The following AGAP1 variants were observed in gnomAD, a reference collection of about 807,000 sequenced individuals.
AGAP1 encodes the protein ArfGAP with GTPase domain, ankyrin repeat and PH domain 1.
AGAP1 carries 29 observed loss-of-function variants against 105.3 expected under a neutral mutation model. The observed-to-expected ratio is 0.28, with a 90% CI of 0.21 to 0.38. AGAP1 has a LOEUF of 0.38. AGAP1 is among the 10% of genes least tolerant of loss of function. The probability of loss-of-function intolerance (pLI) is 1.00; values close to 1 mark genes in which losing one functional copy is unlikely to be tolerated. For synonymous variants in AGAP1, 509 were observed against 485.9 expected, an observed-to-expected ratio of 1.05 and a Z score of -0.63; for missense variants, 998 against 1,165.1, an observed-to-expected ratio of 0.86 and a Z score of 2.09.
chr2:235,925,090 C>A (rs182287716), intron 11 of AGAP1, among the ~76,000 whole-genome samples: 166 of 152,234 alleles, frequency 1.1e-3, no homozygotes, highest in African/African-American at 3.6e-3. Context: ...CCAAAGTAGG[C>A]CACATCCTTG....
In AGAP1 at chr2:235,801,877, A is replaced by C. The variant is rs1957512628; in HGVS notation, c.957+2355A>C. 6.6e-6 allele frequency among the ~76,000 whole-genome samples: 1 copy of C among 152,012 alleles called. No individual in the cohort carries two copies. The highest frequency in any genetic ancestry group is 2.1e-4 in the South Asian group (1 of 4,808). On this transcript the variant is annotated intron_variant, in intron 8 of 17. Coordinates refer to ENST00000304032, the MANE Select transcript of AGAP1 (RefSeq NM_001037131.3). This position sits in a 1 kb window ranked among gnomAD's most constrained non-coding sequence, Gnocchi z 6.0. ...TTTGCTTTCTCTTTTAAGGAGAGAA[A>C]TTTTAAAACCACAAAGTATCTTTAA...
chr2:235,666,247 GA>G (rs1179562024), intron 1 of AGAP1, among the ~76,000 whole-genome samples: 1 of 151,924 alleles, frequency 6.6e-6, no homozygotes, highest in African/African-American at 2.4e-5. Context: ...TCCATGGCAT[GA>G]AAAAATTCAA....
chr2:235,907,912 C>G (rs1295562608), intron 10 of AGAP1, among the ~76,000 whole-genome samples: 1 of 152,018 alleles, frequency 6.6e-6, no homozygotes, highest in African/African-American at 2.4e-5. Context: ...GTCCAGAATG[C>G]TTAAGATACT....
chr2:236,045,153 C>T lies in AGAP1; in HGVS notation c.1892-3906C>T, dbSNP rs2057678782. 6.6e-6 allele frequency among the ~76,000 whole-genome samples: 1 copy of T among 152,140 alleles called. No individual in the cohort carries two copies. ...CTGGTCTTAAACTCCTGGCCTTCGG[C>T]GATCCTCCCCCATTGACCTCCCAAA... On this transcript the variant is annotated intron_variant, in intron 15 of 17. Coordinates refer to ENST00000304032, the MANE Select transcript of AGAP1 (RefSeq NM_001037131.3). This position sits in a 1 kb window ranked among gnomAD's most constrained non-coding sequence, Gnocchi z 6.9.
rs537186304 is a variant in AGAP1, at chr2:236,076,837, G to T, written c.2114+27556G>T. Among the ~76,000 whole-genome samples the T allele has an allele frequency of 6.6e-6, 1 of 151,800 alleles. No individual in the cohort carries two copies. On this transcript the variant is annotated intron_variant, in intron 16 of 17. Transcript: ENST00000304032. The surrounding 1 kb of genome is among the most constrained non-coding windows in gnomAD (Gnocchi z 4.4). ...AGTAGAAAAATAGTCCCAGCACAGG[G>T]TCTCATGCCTGTAATCCCAGCACTT...
At position 235,789,531 on chromosome 2, in the gene AGAP1, C is replaced by T. The variant is rs551050248; in HGVS notation, c.674-8228C>T. The stretch of plus-strand genomic sequence containing the variant: ...CAGATTAAGAATTCAGACTTCAGTA[C>T]TTCAGGAAAAACTTAAAAGCTTCAC... On this transcript the variant is annotated intron_variant, in intron 6 of 17. Transcript: ENST00000304032. The surrounding 1 kb of genome is among the most constrained non-coding windows in gnomAD (Gnocchi z 4.2). Among the ~76,000 whole-genome samples the T allele has an allele frequency of 4.6e-5, 7 of 152,118 alleles. No homozygotes were observed. The highest frequency in any genetic ancestry group is 8.8e-5 in the Non-Finnish European group (6 of 68,022).
rs2060006415 is a variant in AGAP1, at chr2:236,126,485, G to T, written c.*2363G>T. On this transcript the variant is annotated 3_prime_UTR_variant, in exon 18 of 18. Coordinates refer to ENST00000304032, the MANE Select transcript of AGAP1 (RefSeq NM_001037131.3). ...TTGAGAAGAAACGGAACTCCTTGAG[G>T]CTTCTCTTTGGGATGTATATGAGCG... 6.6e-6 allele frequency: 1 copy of T among 152,122 alleles called. No homozygotes were observed. The highest frequency in any genetic ancestry group is 6.6e-5 in the Admixed American group (1 of 15,264). The allele number at this position is 152,122 out of a possible 1,614,324, so 9.4% of individuals were successfully genotyped here.
intron 9 of AGAP1, chr2:235,852,859 G>A: frequency 6.9e-7 from 1 of 1,445,068 alleles, no homozygotes; most frequent in Non-Finnish European, 9.2e-7. Context: ...ATTAGCGGTG[G>A]GAGTTAACAT....
intron 16 of AGAP1, among the ~76,000 whole-genome samples, chr2:236,110,978 G>C (rs1269555253): frequency 6.6e-6 from 1 of 152,290 alleles, no homozygotes; most frequent in South Asian, 2.1e-4. Flanking sequence ...ACGTCCTCAC[G>C]TGATAGAAGA....
chr2:236,052,393 C>G (rs911598708), intron 16 of AGAP1, among the ~76,000 whole-genome samples: 2 of 152,094 alleles, frequency 1.3e-5, no homozygotes, highest in South Asian at 4.1e-4. Context: ...CCAAAGAGAC[C>G]GCCGCACACT....
chr2:235,828,627 G>A (rs1010602818), intron 9 of AGAP1, among the ~76,000 whole-genome samples: 16 of 152,168 alleles, frequency 1.1e-4, no homozygotes, highest in Admixed American at 3.9e-4. Context: ...GTCCAGGGTA[G>A]AATTTAGGCT....
chr2:235,995,385 G>A (rs781078275), intron 13 of AGAP1, among the ~76,000 whole-genome samples: 52 of 152,006 alleles, frequency 3.4e-4, no homozygotes, highest in Admixed American at 8.5e-4. Flanking sequence ...TTGGTGGTGC[G>A]CACCTATAAT....
At position 235,622,064 on chromosome 2, in the gene AGAP1, T is replaced by C. The variant is rs937424357; in HGVS notation, c.164-87115T>C. On this transcript the variant is annotated intron_variant, in intron 1 of 17. Coordinates refer to ENST00000304032, the MANE Select transcript of AGAP1 (RefSeq NM_001037131.3). The surrounding 1 kb of genome is among the most constrained non-coding windows in gnomAD (Gnocchi z 5.0). ...CAACCTAAGCTCATATTCAACACTT[T>C]AGAATGCCTTAATCTTTTCTTGTTG... 6.6e-6 allele frequency among the ~76,000 whole-genome samples: 1 copy of C among 152,248 alleles called. No homozygotes were observed. The highest frequency in any genetic ancestry group is 6.5e-5 in the Admixed American group (1 of 15,288).
chr2:235,935,834 G>T (rs1475621170), intron 12 of AGAP1, among the ~76,000 whole-genome samples: 2 of 152,108 alleles, frequency 1.3e-5, no homozygotes, highest in Non-Finnish European at 2.9e-5. Context: ...GGGTAGCAGG[G>T]GCCCTGGGGG....
chr2:235,975,642 A>G lies in AGAP1; in HGVS notation c.1645+7019A>G, dbSNP rs1264040313. On this transcript the variant is annotated intron_variant, in intron 13 of 17. Transcript: ENST00000304032. ...CAGGGCCCAGAAACTGTTACCTTCC[A>G]GGTTTATATCCAGTCTACAGGGGCT... Among the ~76,000 whole-genome samples the G allele has an allele frequency of 2.0e-5, 3 of 152,206 alleles. No individual in the cohort carries two copies. In the South Asian group the frequency reaches 6.2e-4, roughly 31 times the overall value.
intron 8 of AGAP1, among the ~76,000 whole-genome samples, chr2:235,806,245 C>T (rs1446395699): frequency 6.6e-6 from 1 of 152,122 alleles, no homozygotes; most frequent in African/African-American, 2.4e-5. Context: ...TTGAAAAGCA[C>T]GTGAAAATGT....
At chr2:235,767,414 G>T (rs931152157) in intron 6 of AGAP1, among the ~76,000 whole-genome samples, 12 of 152,224 alleles carry the variant, frequency 7.9e-5, no homozygotes, top group African/African-American at 2.9e-4. Flanking sequence ...TGGAGGCTCT[G>T]CGGGCTGGGG....
At chr2:235,592,817 C>T (rs898691792) in intron 1 of AGAP1, among the ~76,000 whole-genome samples, 6 of 152,108 alleles carry the variant, frequency 3.9e-5, no homozygotes, top group Admixed American at 2.6e-4. Flanking sequence ...GGTGGCTGCT[C>T]GTCTGGAGAA....
intron 13 of AGAP1, among the ~76,000 whole-genome samples, chr2:236,017,310 A>T (rs2056739765): frequency 6.7e-6 from 1 of 150,344 alleles, no homozygotes; most frequent in Admixed American, 6.6e-5. Context: ...AAAAAAAAAT[A>T]CATTACAGAA....
Sources: gnomAD v4.1 joint callset for allele counts (sites outside exome capture counted in the v4.1 genomes callset) on GRCh38, gnomAD v4.1.1 for gene constraint, Gnocchi (gnomAD v3.1) non-coding constraint, MANE v1.5 for transcripts, NCBI Gene and HGNC (gene_info 2026-07-23, HGNC 2026-07-21) for gene names.